Variants in TMEM272 observed in about 807,000 individuals in gnomAD.
The protein encoded by TMEM272 is transmembrane protein 272, also known as long intergenic non-protein coding RNA 282.
TMEM272 carries 8 observed loss-of-function variants against 3.7 expected under a neutral mutation model. The observed-to-expected ratio is 2.17, with a 90% CI of 1.27 to 3.91. The LOEUF (loss-of-function observed/expected upper bound fraction) is 3.91, where lower values mean the gene tolerates loss of function less well. Ranked by LOEUF, TMEM272 falls within the 30% of genes most tolerant of loss-of-function variation. The probability of loss-of-function intolerance (pLI) is 0.00; values close to 1 mark genes in which losing one functional copy is unlikely to be tolerated. For synonymous variants in TMEM272, 63 were observed against 39.8 expected, an observed-to-expected ratio of 1.58 and a Z score of -2.20; for missense variants, 166 against 91.5, an observed-to-expected ratio of 1.81 and a Z score of -3.32.
At chr13:51,866,067 G>C in the TMEM272 span, 2 of 1,577,892 alleles carry the variant, frequency 1.3e-6, no homozygotes, top group Admixed American at 3.7e-5. Flanking sequence ...GCCTTCTCCC[G>C]AGGCAGGGCG....
chr13:51,881,365 TA>T, the TMEM272 span, among the ~76,000 whole-genome samples: 51,812 of 151,622 alleles, frequency 0.34, 8,970 homozygotes, highest in East Asian at 0.44. Flanking sequence ...ATAACTCTTT[TA>T]AAAAAAATCA....
At chr13:51,864,115 CTCTT>C in the TMEM272 span, among the ~76,000 whole-genome samples, 1 of 149,784 alleles carries the variant, frequency 6.7e-6, no homozygotes, top group Non-Finnish European at 1.5e-5. Flanking sequence ...TTCCCTCCCT[CTCTT>C]TTTCTTTTCT....
At chr13:51,864,665 T>C in the TMEM272 span, among the ~76,000 whole-genome samples, 32 of 152,230 alleles carry the variant, frequency 2.1e-4, no homozygotes, top group Admixed American at 1.0e-3. Flanking sequence ...AACACACTTG[T>C]ACATGTATCC....
the TMEM272 span, among the ~76,000 whole-genome samples, chr13:51,888,196 C>T: frequency 6.6e-6 from 1 of 151,166 alleles, no homozygotes; most frequent in Admixed American, 6.7e-5. Context: ...CAGGCACCCA[C>T]CACCACACCT....
intron 1 of TMEM272, among the ~76,000 whole-genome samples, chr13:51,842,440 C>T (rs1956271539): frequency 6.6e-6 from 1 of 152,124 alleles, no homozygotes; most frequent in South Asian, 2.1e-4. Context: ...AGGAGTAAGT[C>T]CACCAGGGAG....
At chr13:51,904,472 T>C in the TMEM272 span, among the ~76,000 whole-genome samples, 1 of 152,252 alleles carries the variant, frequency 6.6e-6, no homozygotes, top group South Asian at 2.1e-4. Context: ...TCACCTGGCC[T>C]TCAGCAGCTA....
chr13:51,826,514 A>C (rs2139562384), intron 3 of TMEM272, 52 bp downstream of exon 3: 3 of 702,078 alleles, frequency 4.3e-6, no homozygotes, highest in South Asian at 3.0e-5. Flanking sequence ...CCTTGGGTCC[A>C]TGCCCCAACC....
chr13:51,880,017 C>A, the TMEM272 span, among the ~76,000 whole-genome samples: 5 of 152,156 alleles, frequency 3.3e-5, no homozygotes, highest in Non-Finnish European at 7.3e-5. Flanking sequence ...TTGTAACAAC[C>A]AGAATTCATT....
chr13:51,912,411 C>T, the TMEM272 span, among the ~76,000 whole-genome samples: 1 of 152,158 alleles, frequency 6.6e-6, no homozygotes, highest in Non-Finnish European at 1.5e-5. Context: ...ATGCCTGGCA[C>T]ATCCTCCACA....
chr13:51,864,112 CCTCT>C, the TMEM272 span, among the ~76,000 whole-genome samples: 67 of 151,862 alleles, frequency 4.4e-4, no homozygotes, highest in East Asian at 1.5e-3. Context: ...TCCTTCCCTC[CCTCT>C]CTTTTTCTTT....
the TMEM272 span, chr13:51,909,407 C>T: frequency 6.9e-6 from 6 of 873,654 alleles, no homozygotes; most frequent in South Asian, 1.3e-5. Context: ...CTTTCTCTAA[C>T]CGGTTATTTT....
At chr13:51,899,097 A>G in the TMEM272 span, among the ~76,000 whole-genome samples, 1 of 152,236 alleles carries the variant, frequency 6.6e-6, no homozygotes, top group South Asian at 2.1e-4. Context: ...TTCACAGATG[A>G]TATGATCTCT....
chr13:51,838,194 T>C (rs972269946), intron 2 of TMEM272, among the ~76,000 whole-genome samples: 21 of 152,194 alleles, frequency 1.4e-4, no homozygotes, highest in African/African-American at 4.8e-4. Flanking sequence ...CATACACTGA[T>C]TGTAGCAGTG....
the TMEM272 span, among the ~76,000 whole-genome samples, chr13:51,887,662 T>A: frequency 1.3e-5 from 2 of 152,168 alleles, no homozygotes; most frequent in African/African-American, 4.8e-5. Context: ...TCTGGCCTAC[T>A]TAAAGGGAAT....
chr13:51,916,240 TC>T, the TMEM272 span, among the ~76,000 whole-genome samples: 1 of 152,160 alleles, frequency 6.6e-6, no homozygotes, highest in South Asian at 2.1e-4. Flanking sequence ...CTGGGCCCCT[TC>T]CAGAGCCCCT....
chr13:51,836,267 C>T (rs1956215739), intron 2 of TMEM272, among the ~76,000 whole-genome samples: 1 of 152,146 alleles, frequency 6.6e-6, no homozygotes, highest in African/African-American at 2.4e-5. Context: ...CCCTCCCCAG[C>T]TGCCGGCCTC....
the TMEM272 span, chr13:51,908,674 C>A: frequency 6.8e-7 from 1 of 1,476,860 alleles, no homozygotes; most frequent in South Asian, 1.1e-5. Context: ...GGCATTGACC[C>A]ATCCATTTTA....
At chr13:51,903,013 G>A in the TMEM272 span, among the ~76,000 whole-genome samples, 44 of 152,230 alleles carry the variant, frequency 2.9e-4, no homozygotes, top group Non-Finnish European at 5.6e-4. Context: ...CTGGTAAAGG[G>A]GCCCTGGGCA....
the TMEM272 span, among the ~76,000 whole-genome samples, chr13:51,925,743 C>T: frequency 6.6e-6 from 1 of 152,182 alleles, no homozygotes; most frequent in Admixed American, 6.5e-5. Flanking sequence ...CTTACCCACC[C>T]AGGCCTCCAC....
Sources: allele counts gnomAD v4.1 joint callset (sites outside exome capture counted in the v4.1 genomes callset), GRCh38; gene constraint gnomAD v4.1.1; transcripts MANE v1.5; gene names NCBI Gene and HGNC (gene_info 2026-07-23, HGNC 2026-07-21).